The following BBS9 variants were observed in gnomAD, a reference collection of about 807,000 sequenced individuals.
BBS9 encodes the protein Bardet-Biedl syndrome 9, also known as protein PTHB1.
Under a neutral mutation model 117.7 loss-of-function variants are expected in BBS9, and 89 were observed. The ratio of observed to expected loss-of-function variants is 0.76; its 90% CI spans 0.64 to 0.90. The LOEUF is 0.90. BBS9 is among the 40% of genes least tolerant of loss of function. The probability of loss-of-function intolerance (pLI) is 0.00; values close to 1 mark genes in which losing one functional copy is unlikely to be tolerated. For synonymous variants in BBS9, 379 were observed against 370.9 expected, an observed-to-expected ratio of 1.02 and a Z score of -0.25; for missense variants, 982 against 1,042.2, an observed-to-expected ratio of 0.94 and a Z score of 0.80.
intron 17 of BBS9, among the ~76,000 whole-genome samples, chr7:33,379,040 A>G (rs1824446561): frequency 6.6e-6 from 1 of 152,206 alleles, no homozygotes. Context: ...CAATACCTAC[A>G]TGGGTGATTT....
intron 9 of BBS9, among the ~76,000 whole-genome samples, chr7:33,302,743 A>T (rs1806755573): frequency 6.6e-6 from 1 of 152,090 alleles, no homozygotes; most frequent in Non-Finnish European, 1.5e-5. Context: ...CTTGCTTAGG[A>T]TAGCTTTGGC....
chr7:33,613,842 T>C (rs1462417606), intron 21 of BBS9, among the ~76,000 whole-genome samples: 2 of 151,966 alleles, frequency 1.3e-5, no homozygotes, highest in African/African-American at 4.8e-5. Context: ...GAAAGACATA[T>C]CATGAATAAC....
intron 9 of BBS9, among the ~76,000 whole-genome samples, chr7:33,290,396 T>C (rs547970964): frequency 6.6e-6 from 1 of 152,186 alleles, no homozygotes; most frequent in African/African-American, 2.4e-5. Flanking sequence ...CACAATCACA[T>C]GGGGAATAAT....
At chr7:33,342,482 G>T (rs573547038) in intron 11 of BBS9, among the ~76,000 whole-genome samples, 5 of 152,120 alleles carry the variant, frequency 3.3e-5, no homozygotes, top group African/African-American at 1.2e-4. Flanking sequence ...TGTTTTTTAG[G>T]AACTTTTAGT....
intron 9 of BBS9, among the ~76,000 whole-genome samples, chr7:33,276,165 A>T (rs1451163071): frequency 6.6e-6 from 1 of 152,228 alleles, no homozygotes; most frequent in Non-Finnish European, 1.5e-5. Flanking sequence ...ATTCCATTGT[A>T]ATTTCTATTA....
At chr7:33,130,391 TA>T (rs1251967396) in intron 1 of BBS9, among the ~76,000 whole-genome samples, 1 of 152,240 alleles carries the variant, frequency 6.6e-6, no homozygotes, top group Non-Finnish European at 1.5e-5. Flanking sequence ...CCAATCCTTC[TA>T]GTAATAGGAT....
At chr7:33,220,276 G>A (rs925338853) in intron 5 of BBS9, among the ~76,000 whole-genome samples, 3 of 152,122 alleles carry the variant, frequency 2.0e-5, no homozygotes, top group African/African-American at 7.2e-5. Context: ...AGAGTTTGAA[G>A]GTTAAATATC....
intron 20 of BBS9, among the ~76,000 whole-genome samples, chr7:33,506,150 A>G (rs946609088): frequency 6.6e-6 from 1 of 152,230 alleles, no homozygotes; most frequent in African/African-American, 2.4e-5. Context: ...CAGTCCTAGC[A>G]TAGGCAGTTT....
chr7:33,445,101 G>C (rs1252491280), intron 19 of BBS9, among the ~76,000 whole-genome samples: 1 of 152,134 alleles, frequency 6.6e-6, no homozygotes, highest in South Asian at 2.1e-4. Flanking sequence ...TGTACAATAA[G>C]TTACATCCCT....
chr7:33,319,076 T>A (rs1490725262), intron 9 of BBS9, among the ~76,000 whole-genome samples: 1 of 151,494 alleles, frequency 6.6e-6, no homozygotes, highest in Non-Finnish European at 1.5e-5. Context: ...GGCAGGAGAA[T>A]CGCTTGAACC....
At chr7:33,396,724 G>A (rs1828032976) in intron 19 of BBS9, among the ~76,000 whole-genome samples, 1 of 152,114 alleles carries the variant, frequency 6.6e-6, no homozygotes, top group Non-Finnish European at 1.5e-5. Flanking sequence ...GAACAAAGCT[G>A]GAGGCATCAC....
At chr7:33,167,691 G>T (rs569359170) in intron 4 of BBS9, among the ~76,000 whole-genome samples, 1 of 152,038 alleles carries the variant, frequency 6.6e-6, no homozygotes. Context: ...GAGCCACCAC[G>T]ATCAGCCTTA....
intron 5 of BBS9, among the ~76,000 whole-genome samples, chr7:33,225,118 G>A (rs1252450304): frequency 1.3e-5 from 2 of 152,092 alleles, no homozygotes; most frequent in East Asian, 1.9e-4. Context: ...CAAATTAGTA[G>A]TTGTTGTTTT....
At chr7:33,338,182 T>C (rs1443173362) in intron 10 of BBS9, among the ~76,000 whole-genome samples, 1 of 152,176 alleles carries the variant, frequency 6.6e-6, no homozygotes, top group Non-Finnish European at 1.5e-5. Flanking sequence ...TTGCCCCTTC[T>C]ATGCCACCAT....
At chr7:33,220,017 C>G (rs1300348160) in intron 5 of BBS9, among the ~76,000 whole-genome samples, 5 of 152,166 alleles carry the variant, frequency 3.3e-5, no homozygotes, top group African/African-American at 1.2e-4. Flanking sequence ...TCAGAAGGAA[C>G]AAACTCCGGA....
At chr7:33,257,841 G>A (rs1797336536) in intron 6 of BBS9, among the ~76,000 whole-genome samples, 1 of 152,106 alleles carries the variant, frequency 6.6e-6, no homozygotes, top group Non-Finnish European at 1.5e-5. Flanking sequence ...TTTAGCTGTG[G>A]AATTCTTTTA....
chr7:33,361,808 C>T (rs968895796), intron 16 of BBS9, among the ~76,000 whole-genome samples: 3 of 151,998 alleles, frequency 2.0e-5, no homozygotes, highest in African/African-American at 7.2e-5. Flanking sequence ...AAAATACTTA[C>T]TTATTTTTTC....
chr7:33,375,431 A>G (rs1823665843), intron 17 of BBS9, among the ~76,000 whole-genome samples: 2 of 152,250 alleles, frequency 1.3e-5, no homozygotes, highest in African/African-American at 4.8e-5. Context: ...AGTATTAACC[A>G]TCTTGGAGTA....
At chr7:33,625,300 A>G (rs528219756) in intron 21 of BBS9, among the ~76,000 whole-genome samples, 19 of 152,256 alleles carry the variant, frequency 1.2e-4, no homozygotes, top group African/African-American at 4.3e-4. Context: ...TATGAAAATG[A>G]GCCTTTATTG....
Sources: allele counts gnomAD v4.1 joint callset (sites outside exome capture counted in the v4.1 genomes callset), GRCh38; gene constraint gnomAD v4.1.1; transcripts MANE v1.5; gene names NCBI Gene and HGNC (gene_info 2026-07-23, HGNC 2026-07-21).